Variants in ARIH1 observed in about 807,000 individuals in gnomAD.
ARIH1 encodes the protein ariadne RBR E3 ubiquitin protein ligase 1.
A neutral mutation model predicts 85.0 loss-of-function variants in ARIH1; 8 were observed. The observed-to-expected ratio is 0.09, with a 90% CI of 0.06 to 0.17. ARIH1 has a LOEUF of 0.17. ARIH1 is among the 10% of genes least tolerant of loss of function. The probability of loss-of-function intolerance (pLI) is 1.00; values close to 1 mark genes in which losing one functional copy is unlikely to be tolerated. For synonymous variants in ARIH1, 238 were observed against 253.6 expected (o/e 0.94, Z 0.59); for missense variants, 311 against 718.1 (o/e 0.43, Z 6.48).
intron 2 of ARIH1, among the ~76,000 whole-genome samples, chr15:72,542,619 A>T (rs2064112470): frequency 6.6e-6 from 1 of 152,210 alleles, no homozygotes. Flanking sequence ...ATTTAAAGAC[A>T]AAGGTGTCTG....
intron 1 of ARIH1, 61 bp downstream of exon 1, chr15:72,475,075 C>T (rs1216326142): frequency 3.2e-6 from 5 of 1,539,508 alleles, no homozygotes; most frequent in East Asian, 2.5e-5. Flanking sequence ...TCAGGCGGCA[C>T]GCGCGGTCCC....
chr15:72,563,490 C>T lies in ARIH1; in HGVS notation c.901C>T (p.Arg301Cys), dbSNP rs1417583080. 3.1e-6 allele frequency: 5 copies of T among 1,613,472 alleles called. No individual in the cohort carries two copies. Among genetic ancestry groups the T allele is most frequent in the African/African-American group, 1.3e-5 (1 of 74,874 alleles). ...TAAACCTGTTCGCTGCAAATGTGGG[C>T]GCCAATTTTGGTAAGCAAGTGATTT... ...DAKPVRCKCG[R>C]QFCFNCGENW... is the part of the protein sequence containing the mutation. The change falls in exon 7 of 14, where the codon CGC (arginine) becomes TGC (cysteine). Residue 301 changes from arginine to cysteine, a missense_variant. Transcript: ENST00000379887.
chr15:72,555,354 C>G lies in ARIH1; in HGVS notation c.672C>G (p.Gly224=). ...EYLTTKIMEE[G]MGQTISCPAH... The stretch of plus-strand genomic sequence containing the variant: ...TAACTACCAAAATAATGGAAGAAGG[C>G]ATGGGTCAGGTAAAGATATCAAGTT... Residue 224 remains glycine (G), a synonymous_variant, in exon 4 of 14, where the codon GGC becomes GGG. Transcript: ENST00000379887. 6.2e-7 allele frequency: 1 copy of G among 1,610,592 alleles called. No homozygotes were observed. Among genetic ancestry groups the G allele is most frequent in the Non-Finnish European group, 8.5e-7 (1 of 1,177,000 alleles).
In ARIH1 at chr15:72,482,426, G is replaced by A. The variant is rs1020243244; in HGVS notation, c.375+7412G>A. ...ACTCATGGAAGAGACCTCTGTAGGT[G>A]TTGTCAAAGATGGCTAGGATTTGGG... On this transcript the variant is annotated intron_variant, in intron 1 of 13. Coordinates refer to ENST00000379887, the MANE Select transcript of ARIH1 (RefSeq NM_005744.5). Among the ~76,000 whole-genome samples the A allele has an allele frequency of 2.6e-5, 4 of 152,200 alleles. No homozygotes were observed. In the South Asian group the frequency reaches 8.3e-4, roughly 32 times the overall value.
chr15:72,581,077 G>A, intron 12 of ARIH1, 86 bp downstream of exon 12: 6 of 1,420,442 alleles, frequency 4.2e-6, no homozygotes, highest in Non-Finnish European at 5.7e-6. Flanking sequence ...GAGTTTTCAG[G>A]GTTCTTGTTT....
At chr15:72,568,281 C>CTT (rs1567358375) in intron 9 of ARIH1, among the ~76,000 whole-genome samples, 1 of 152,040 alleles carries the variant, frequency 6.6e-6, no homozygotes, top group Non-Finnish European at 1.5e-5. Flanking sequence ...GCCAAGCATT[C>CTT]TTTTTTTGAA....
intron 5 of ARIH1, among the ~76,000 whole-genome samples, chr15:72,557,531 G>A (rs2064179504): frequency 6.6e-6 from 1 of 152,068 alleles, no homozygotes; most frequent in South Asian, 2.1e-4. Context: ...TTCTTCAGCT[G>A]TACAGAAGCT....
At chr15:72,514,876 T>A (rs142148613) in intron 1 of ARIH1, among the ~76,000 whole-genome samples, 1 of 152,128 alleles carries the variant, frequency 6.6e-6, no homozygotes, top group African/African-American at 2.4e-5. Context: ...GGCATGCCCC[T>A]GTAATCCCAG....
chr15:72,521,640 G>T (rs929106590), intron 2 of ARIH1, among the ~76,000 whole-genome samples: 1 of 151,834 alleles, frequency 6.6e-6, no homozygotes, highest in African/African-American at 2.4e-5. Flanking sequence ...CCTCCGCCTT[G>T]TGAGTTCAAG....
rs532409728 is a variant in ARIH1, at chr15:72,517,996, A to G, written c.376-71A>G. Reference sequence around the variant, plus strand: ...GGAGTATTGTGGAAATTTAACTTCAACCTAGGAGTTCACTAAATGTCCATG... The same window carrying G: ...GGAGTATTGTGGAAATTTAACTTCAGCCTAGGAGTTCACTAAATGTCCATG... On this transcript the variant is annotated intron_variant, in intron 1 of 13. Transcript: ENST00000379887. 4.3e-6 allele frequency: 5 copies of G among 1,169,296 alleles called. No individual in the cohort carries two copies. In the African/African-American group the frequency reaches 4.6e-5, roughly 11 times the overall value. 72.4% of individuals were successfully genotyped at this position (1,169,296 alleles called of 1,614,324 possible). A position where few individuals can be genotyped will look rare whatever the true frequency, so the allele number is the denominator to read the frequency against.
chr15:72,556,712 G>A (rs1410329897), intron 5 of ARIH1, among the ~76,000 whole-genome samples: 2 of 152,094 alleles, frequency 1.3e-5, no homozygotes, highest in Admixed American at 6.5e-5. Context: ...AACTCTTGCC[G>A]TCCCACCCTA....
chr15:72,506,846 G>GT lies in ARIH1; in HGVS notation c.376-11213dup, dbSNP rs199830435. On this transcript the variant is annotated intron_variant, in intron 1 of 13. Transcript: ENST00000379887. Reference sequence around the variant, plus strand: ...TGGAATAAAAAAGTGGTTTTTTTTTGTTTTTTTTGTTTGTTTTTTTACTTA... The same window carrying GT: ...TGGAATAAAAAAGTGGTTTTTTTTTGTTTTTTTTTGTTTGTTTTTTTACTTA... 3.8e-3 allele frequency among the ~76,000 whole-genome samples: 568 copies of GT among 150,276 alleles called. 2 individuals are homozygous for GT. The highest frequency in any genetic ancestry group is 0.015 in the East Asian group (75 of 5,134).
intron 2 of ARIH1, among the ~76,000 whole-genome samples, chr15:72,544,001 C>T (rs2140423544): frequency 6.6e-6 from 1 of 152,218 alleles, no homozygotes; most frequent in African/African-American, 2.4e-5. Context: ...GTCTGCTCTA[C>T]TATCTTCTGT....
chr15:72,575,961 A>G (rs1486407581), intron 11 of ARIH1, among the ~76,000 whole-genome samples: 2 of 152,160 alleles, frequency 1.3e-5, no homozygotes, highest in Admixed American at 6.5e-5. Flanking sequence ...CTCCTGCCTC[A>G]ACCTCTGCAT....
At chr15:72,525,571 T>G (rs888169095) in intron 2 of ARIH1, among the ~76,000 whole-genome samples, 1 of 152,150 alleles carries the variant, frequency 6.6e-6, no homozygotes, top group Admixed American at 6.5e-5. Context: ...GCATAAAGAC[T>G]AGAAAGGAAG....
Position 72,587,338 on chromosome 15 carries a change from C to G in ARIH1, c.*4046C>G, listed in dbSNP as rs1567363746. 2.1e-6 allele frequency: 1 copy of G among 486,174 alleles called. No homozygotes were observed. The highest frequency in any genetic ancestry group is 3.3e-4 in the Middle Eastern group (1 of 2,988). 30.1% of individuals were successfully genotyped at this position (486,174 alleles called of 1,614,324 possible). ...TTGTACTTTTAAACCACATTAAAGA[C>G]TATTATAAATGCCTATCACTGCTAC... On this transcript the variant is annotated 3_prime_UTR_variant, in exon 14 of 14. Transcript: ENST00000379887.
rs923341997 is a variant in ARIH1, at chr15:72,598,763, G to T, written c.*15471G>T. The stretch of plus-strand genomic sequence containing the variant: ...TTAAACACGTCTCACTGCCACCCAG[G>T]CTTGAGTGCCATGACATGATCATAG... On this transcript the variant is annotated 3_prime_UTR_variant, in exon 14 of 14. Transcript: ENST00000379887. 2 of 151,928 alleles carry T rather than the reference G, an allele frequency of 1.3e-5. No homozygotes were observed. Among genetic ancestry groups the T allele is most frequent in the Admixed American group, 6.6e-5 (1 of 15,254 alleles). The allele number at this position is 151,928 out of a possible 1,614,324, so 9.4% of individuals were successfully genotyped here. A position where few individuals can be genotyped will look rare whatever the true frequency, so the allele number is the denominator to read the frequency against.
At chr15:72,482,705 A>T (rs938541183) in intron 1 of ARIH1, among the ~76,000 whole-genome samples, 7 of 152,132 alleles carry the variant, frequency 4.6e-5, no homozygotes, top group Non-Finnish European at 7.4e-5. Context: ...TAGTGGCTTA[A>T]AAAAACAAGG....
At chr15:72,541,271 G>A (rs186700141) in intron 2 of ARIH1, among the ~76,000 whole-genome samples, 219 of 152,222 alleles carry the variant, frequency 1.4e-3, no homozygotes, top group African/African-American at 5.0e-3. Flanking sequence ...TGCAAGCCCT[G>A]CCTCAGCTTC....
Sources: allele counts gnomAD v4.1 joint callset (sites outside exome capture counted in the v4.1 genomes callset), GRCh38; gene constraint gnomAD v4.1.1; transcripts MANE v1.5; gene names NCBI Gene and HGNC (gene_info 2026-07-23, HGNC 2026-07-21).